TMEM132D: variants seen among roughly 807,000 people sequenced by gnomAD.
TMEM132D encodes the protein mature OL transmembrane protein.
In TMEM132D, 21 loss-of-function variants were observed where a neutral mutation model predicts 62.3. The observed-to-expected ratio is 0.34, with a 90% CI of 0.24 to 0.49. The LOEUF (loss-of-function observed/expected upper bound fraction) is 0.49, where lower values mean the gene tolerates loss of function less well. Ranked by LOEUF, TMEM132D falls within the 20% of genes least tolerant of loss-of-function variation. The pLI, the probability that TMEM132D is intolerant of heterozygous loss-of-function variation, is 0.99. For missense variants in TMEM132D, 1,346 were observed against 1,402.8 expected, an observed-to-expected ratio of 0.96 and a Z score of 0.65; for synonymous variants, 621 against 575.6, an observed-to-expected ratio of 1.08 and a Z score of -1.13.
At chr12:129,797,717 C>G (rs1240392243) in intron 1 of TMEM132D, among the ~76,000 whole-genome samples, 1 of 152,214 alleles carries the variant, frequency 6.6e-6, no homozygotes, top group Admixed American at 6.5e-5. Context: ...ACAGCTTTGC[C>G]AACAGACATG....
chr12:129,601,830 T>C (rs1370392200), intron 2 of TMEM132D, among the ~76,000 whole-genome samples: 1 of 151,926 alleles, frequency 6.6e-6, no homozygotes, highest in Non-Finnish European at 1.5e-5. Context: ...ATAATAACAA[T>C]GAAAAGTTGA....
At chr12:129,861,500 C>T (rs543227435) in intron 1 of TMEM132D, among the ~76,000 whole-genome samples, 1 of 152,310 alleles carries the variant, frequency 6.6e-6, no homozygotes, top group African/African-American at 2.4e-5. Context: ...GTGGCTCACG[C>T]CTGTAATCCC....
At chr12:129,677,799 G>T (rs1363169226) in intron 2 of TMEM132D, among the ~76,000 whole-genome samples, 2 of 149,674 alleles carry the variant, frequency 1.3e-5, no homozygotes, top group Non-Finnish European at 3.0e-5. Flanking sequence ...CTCCTTACTG[G>T]CTTCCTGTCC....
chr12:129,271,246 C>G (rs1280700887), intron 4 of TMEM132D, among the ~76,000 whole-genome samples: 1 of 149,266 alleles, frequency 6.7e-6, no homozygotes, highest in African/African-American at 2.6e-5. Context: ...CTGGGAGCCC[C>G]CTCCGTGGAT....
chr12:129,224,816 C>T (rs758773667), intron 4 of TMEM132D, among the ~76,000 whole-genome samples: 1 of 152,134 alleles, frequency 6.6e-6, no homozygotes, highest in African/African-American at 2.4e-5. Context: ...AGACATGAGA[C>T]TCCCTTGAAC....
intron 2 of TMEM132D, among the ~76,000 whole-genome samples, chr12:129,595,305 G>A (rs1489141937): frequency 1.3e-5 from 2 of 152,206 alleles, no homozygotes; most frequent in Non-Finnish European, 2.9e-5. Flanking sequence ...TAGACAAGAT[G>A]ATTTGAAGAA....
intron 2 of TMEM132D, among the ~76,000 whole-genome samples, chr12:129,621,659 C>G (rs146390957): frequency 1.3e-5 from 2 of 152,282 alleles, no homozygotes; most frequent in South Asian, 2.1e-4. Context: ...TTTAAAAGAG[C>G]GACATGTTAA....
intron 6 of TMEM132D, among the ~76,000 whole-genome samples, chr12:129,082,574 G>A (rs919591236): frequency 4.6e-5 from 7 of 152,084 alleles, no homozygotes; most frequent in East Asian, 3.9e-4. Context: ...GCAACCGCAC[G>A]AGTGAGCCTG....
At chr12:129,860,996 G>T (rs796746397) in intron 1 of TMEM132D, among the ~76,000 whole-genome samples, 8 of 152,128 alleles carry the variant, frequency 5.3e-5, no homozygotes, top group Admixed American at 5.2e-4. Context: ...TTTGGGTGGG[G>T]ACACAGCCAA....
chr12:129,319,104 C>T (rs866252947), intron 4 of TMEM132D, among the ~76,000 whole-genome samples: 6 of 152,176 alleles, frequency 3.9e-5, no homozygotes, highest in Non-Finnish European at 5.9e-5. Flanking sequence ...AGCCCTCTCC[C>T]GAGTTCTGGC....
At chr12:129,399,255 C>A (rs1438317219) in intron 3 of TMEM132D, among the ~76,000 whole-genome samples, 2 of 150,180 alleles carry the variant, frequency 1.3e-5, no homozygotes, top group Non-Finnish European at 2.9e-5. Context: ...GACAACCAAC[C>A]CACTCCTGCA....
intron 5 of TMEM132D, among the ~76,000 whole-genome samples, chr12:129,094,389 C>T (rs1253674232): frequency 6.6e-6 from 1 of 152,188 alleles, no homozygotes; most frequent in Non-Finnish European, 1.5e-5. Context: ...ACAGACACTT[C>T]TCAGAAGAAA....
chr12:129,146,792 A>G (rs180807260), intron 5 of TMEM132D, among the ~76,000 whole-genome samples: 1 of 152,256 alleles, frequency 6.6e-6, no homozygotes. Flanking sequence ...GGTGACGAGC[A>G]TTTGCTGGGC....
At chr12:129,451,049 A>T (rs1273975395) in intron 3 of TMEM132D, among the ~76,000 whole-genome samples, 1 of 152,032 alleles carries the variant, frequency 6.6e-6, no homozygotes, top group East Asian at 1.9e-4. Context: ...GGCGTGAGCC[A>T]CCGCGCCCGG....
chr12:129,240,793 A>G (rs1879916427), intron 4 of TMEM132D, among the ~76,000 whole-genome samples: 1 of 152,174 alleles, frequency 6.6e-6, no homozygotes, highest in South Asian at 2.1e-4. Flanking sequence ...CTCTTCCACC[A>G]GAAACTTGGT....
intron 2 of TMEM132D, among the ~76,000 whole-genome samples, chr12:129,615,613 T>A (rs1878893178): frequency 7.0e-6 from 1 of 142,216 alleles, no homozygotes; most frequent in African/African-American, 2.6e-5. Context: ...ACAAAAAAAC[T>A]AAAGAAAAAT....
At chr12:129,521,403 G>A (rs949697039) in intron 3 of TMEM132D, 6 of 152,090 alleles carry the variant, frequency 3.9e-5, no homozygotes, top group Admixed American at 3.3e-4. Flanking sequence ...GCTGGTGAAC[G>A]GATCATTTAT....
chr12:129,406,648 T>G (rs1871800034), intron 3 of TMEM132D, among the ~76,000 whole-genome samples: 3 of 151,038 alleles, frequency 2.0e-5, no homozygotes, highest in African/African-American at 7.3e-5. Flanking sequence ...TATGTACACA[T>G]GGGTACACAC....
intron 1 of TMEM132D, among the ~76,000 whole-genome samples, chr12:129,877,613 G>GCACACACACACACACA (rs141592866): frequency 1.5e-3 from 211 of 144,394 alleles, no homozygotes; most frequent in African/African-American, 5.4e-3. Flanking sequence ...GCGCGCGCGC[G>GCACACACACACACACA]CACACACACA....
Sources: allele counts gnomAD v4.1 joint callset (sites outside exome capture counted in the v4.1 genomes callset), GRCh38; gene constraint gnomAD v4.1.1; transcripts MANE v1.5; gene names NCBI Gene and HGNC (gene_info 2026-07-23, HGNC 2026-07-21).